Variants in DSPP observed in about 807,000 individuals in gnomAD.
The protein encoded by DSPP is deafness, autosomal dominant 39.
Under a neutral mutation model 29.1 loss-of-function variants are expected in DSPP, and 28 were observed. That is an observed-to-expected ratio of 0.96 (90% CI 0.71 to 1.32). The LOEUF (loss-of-function observed/expected upper bound fraction) is 1.32, where lower values mean the gene tolerates loss of function less well. Ranked by LOEUF, DSPP falls within the 40% of genes most tolerant of loss-of-function variation. The pLI is 0.00. For missense variants in DSPP, 1,281 were observed against 1,629.9 expected (o/e 0.79, Z 3.69); for synonymous variants, 481 against 503.4 (o/e 0.96, Z 0.60).
rs148443406 is a variant in DSPP at position 87,611,313 on chromosome 4, C to T, written c.51+354C>T. ...GCCCAGAAGTCATGGAGACTTTGTC[C>T]ATCTTTGCTTCATACTCTGTGAATT... On this transcript the variant is annotated intron_variant, in intron 2 of 4. Transcript: ENST00000651931. 3.7e-3 allele frequency among the ~76,000 whole-genome samples: 564 copies of T among 152,172 alleles called. 8 individuals are homozygous for T. Among genetic ancestry groups the T allele is most frequent in the South Asian group, 0.022 (108 of 4,824 alleles).
At chr4:87,611,030 A>ACT in intron 2 of DSPP, 71 bp downstream of exon 2, 3 of 820,788 alleles carry the variant, frequency 3.7e-6, no homozygotes, top group Non-Finnish European at 6.3e-6. Flanking sequence ...TACAAAATGT[A>ACT]GTGTGTGTGT....
At chr4:87,613,691 T>C in intron 4 of DSPP, 94 bp from the exon 5 acceptor site, 1 of 1,566,354 alleles carries the variant, frequency 6.4e-7, no homozygotes, top group Non-Finnish European at 8.8e-7. Context: ...CTCCTATCCC[T>C]ATGGCAACTT....
chr4:87,611,999 AG>A, intron 2 of DSPP, 105 bp from the exon 3 acceptor site: 1 of 1,211,940 alleles, frequency 8.3e-7, no homozygotes, highest in Non-Finnish European at 1.2e-6. Flanking sequence ...TTCTTCATGG[AG>A]GGAAGAATAT....
Position 87,616,208 on chromosome 4 carries a change from TAGC to T in DSPP, c.3550_3552del (p.Ser1184del), listed in dbSNP as rs1727934483. The T allele has an allele frequency of 4.3e-6, 6 of 1,405,424 alleles. No individual in the cohort carries two copies. The highest frequency in any genetic ancestry group is 3.8e-5 in the South Asian group (3 of 79,870). The allele number at this position is 1,405,424 out of a possible 1,614,324, so 87.1% of individuals were successfully genotyped here. On this transcript the variant is annotated inframe_deletion, in exon 5 of 5. Transcript: ENST00000651931. ...GCAGTGACAGCAGCAATAGCAGTGA[TAGC>T]AGCGACAGCAGTGATAGCAGTGACA...
At position 87,612,493 on chromosome 4, in the gene DSPP, G is replaced by A; in HGVS notation, c.307G>A (p.Glu103Lys). The change falls in exon 4 of 5, where the codon GAG (glutamate) becomes AAG (lysine). Residue 103 changes from glutamate to lysine, a missense_variant. Coordinates refer to ENST00000651931, the MANE Select transcript of DSPP (RefSeq NM_014208.3). ...FSTYSTLANEEGNIEGWNGDT... is the reference protein window; with the variant it reads ...FSTYSTLANEKGNIEGWNGDT... Reference sequence around the variant, plus strand: ...TACATATTCCACATTAGCAAACGAAGAGGGGAATATTGAGGGCTGGAATGG... The same window carrying A: ...TACATATTCCACATTAGCAAACGAAAAGGGGAATATTGAGGGCTGGAATGG... 6.2e-7 allele frequency: 1 copy of A among 1,614,064 alleles called. No individual in the cohort carries two copies. Among genetic ancestry groups the A allele is most frequent in the Non-Finnish European group, 8.5e-7 (1 of 1,179,972 alleles).
At position 87,612,222 on chromosome 4, in the gene DSPP, A is replaced by G. The variant is rs371832336; in HGVS notation, c.135+34A>G. ...TGTAATATATTTCATTTTATTTCCT[A>G]TTTCTGAGTTGCTACATTCCATTAA... is the stretch of plus-strand genomic sequence containing the variant. On this transcript the variant is annotated intron_variant, in intron 3 of 4. Transcript: ENST00000651931. The G allele has an allele frequency of 2.4e-4, 395 of 1,612,746 alleles. 1 individual carries two copies. The highest frequency in any genetic ancestry group is 2.8e-4 in the Non-Finnish European group (335 of 1,179,284).
At chr4:87,611,891 T>TC (rs1467191877) in intron 2 of DSPP, among the ~76,000 whole-genome samples, 2 of 152,204 alleles carry the variant, frequency 1.3e-5, no homozygotes, top group African/African-American at 4.8e-5. Context: ...GTGAAAAATA[T>TC]CCATGTACCC....
rs1426050810 is a variant in DSPP at position 87,614,819 on chromosome 4, T to G, written c.2157T>G (p.Ser719Arg). 1.9e-6 allele frequency: 3 copies of G among 1,544,076 alleles called. No individual in the cohort carries two copies. ...DSDSSDSSDS[S>R]NSNSSDSDSS... ...ACAGCAGTGATAGTAGTGACAGCAG[T>G]AATAGTAACAGCAGCGATAGTGACA... is the stretch of plus-strand genomic sequence containing the variant. Residue 719 changes from serine to arginine, a missense_variant, in exon 5 of 5, where the codon AGT becomes AGG. This residue lies in a region of DSPP where 444 missense variants were observed against 611.4 expected (regional missense o/e 0.73). Transcript: ENST00000651931.
chr4:87,615,653 C>A lies in DSPP; in HGVS notation c.2991C>A (p.Ser997Arg), dbSNP rs1444542641. The A allele has an allele frequency of 2.6e-6, 4 of 1,540,572 alleles. No individual in the cohort carries two copies. In the African/African-American group the frequency reaches 4.2e-5, roughly 16 times the overall value. ...DSSDSSDSSD[S>R]SDSSNSSDSS... is the part of the protein sequence containing the mutation. ...GTGATAGCAGTGACAGCAGTGACAGCAGTGATAGCAGCAACAGCAGTGATA... is the reference window on the plus strand; with the variant it reads ...GTGATAGCAGTGACAGCAGTGACAGAAGTGATAGCAGCAACAGCAGTGATA... The change falls in exon 5 of 5, where the codon AGC becomes AGA. Residue 997 changes from serine to arginine, a missense_variant. Coordinates refer to ENST00000651931, the MANE Select transcript of DSPP (RefSeq NM_014208.3).
chr4:87,613,444 C>T, intron 4 of DSPP, 136 bp downstream of exon 4: 2 of 1,099,658 alleles, frequency 1.8e-6, no homozygotes, highest in Non-Finnish European at 1.3e-6. Flanking sequence ...TTAAGGAAAT[C>T]TAGAGTCCTT....
chr4:87,612,197 T>A lies in DSPP; in HGVS notation c.135+9T>A. 1 of 1,613,866 alleles carries A rather than the reference T, an allele frequency of 6.2e-7. No homozygotes were observed. The highest frequency in any genetic ancestry group is 8.5e-7 in the Non-Finnish European group (1 of 1,179,804). Reference sequence around the variant, plus strand: ...CAAATGTGTCAGTACAGGTATAGGATGTAATATATTTCATTTTATTTCCTA... The same window carrying A: ...CAAATGTGTCAGTACAGGTATAGGAAGTAATATATTTCATTTTATTTCCTA... On this transcript the variant is annotated intron_variant, in intron 3 of 4. Transcript: ENST00000651931.
At position 87,616,861 on chromosome 4, in the gene DSPP, A is replaced by G. The variant is rs1460543616; in HGVS notation, c.*293A>G. ...AAGAACAATTAAAATATTCTTTAAT[A>G]CTTCACACAGAAACCTCAAGTAATC... On this transcript the variant is annotated 3_prime_UTR_variant, in exon 5 of 5. Coordinates refer to ENST00000651931, the MANE Select transcript of DSPP (RefSeq NM_014208.3). 1.7e-6 allele frequency: 1 copy of G among 595,042 alleles called. No homozygotes were observed. The highest frequency in any genetic ancestry group is 2.9e-6 in the Non-Finnish European group (1 of 340,752). The allele number at this position is 595,042 out of a possible 1,614,324, so 36.9% of individuals were successfully genotyped here.
At chr4:87,610,255 T>A (rs2736979) in intron 1 of DSPP, among the ~76,000 whole-genome samples, 2 of 152,014 alleles carry the variant, frequency 1.3e-5, no homozygotes, top group African/African-American at 2.4e-5. Context: ...CAGAGAGGGC[T>A]TCTCAGAGAT....
At position 87,616,043 on chromosome 4, in the gene DSPP, T is replaced by C. The variant is rs770999734; in HGVS notation, c.3381T>C (p.Ser1127=). The C allele has an allele frequency of 3.5e-5, 41 of 1,169,216 alleles. 3 individuals are homozygous for C. Among genetic ancestry groups the C allele is most frequent in the Middle Eastern group, 5.5e-4 (2 of 3,662 alleles). 72.4% of individuals were successfully genotyped at this position (1,169,216 alleles called of 1,614,324 possible). Residue 1127 remains serine, a synonymous_variant, in exon 5 of 5, where the codon AGT becomes AGC. Coordinates refer to ENST00000651931, the MANE Select transcript of DSPP (RefSeq NM_014208.3). Reference sequence around the variant, plus strand: ...ACAGCAGCAATAGCAGTGACAGCAGTGACAGCAGCGACAGCAGTGATAGCA... The same window carrying C: ...ACAGCAGCAATAGCAGTGACAGCAGCGACAGCAGCGACAGCAGTGATAGCA... ...SSDSSNSSDS[S]DSSDSSDSSD...
chr4:87,614,610 A>C lies in DSPP; in HGVS notation c.1948A>C (p.Ser650Arg). The change falls in exon 5 of 5, where the codon AGT becomes CGT. Residue 650 changes from serine (S) to arginine (R), a missense_variant. Physicochemically the swap from Ser to Arg is moderately radical, Grantham distance 110 (BLOSUM62 -1). Around this residue, in one of 4 missense-constraint regions of DSPP, gnomAD observed 444 missense variants for 611.4 expected, o/e 0.73. Coordinates refer to ENST00000651931, the MANE Select transcript of DSPP (RefSeq NM_014208.3). ...CAGCAGTGACAGCAACAGCAGTGAC[A>C]GTAGTGACAACAGTGATAGCAGCGA... Reference protein sequence around the residue: ...SDSSDSNSSDSSDNSDSSDSS... With the variant: ...SDSSDSNSSDRSDNSDSSDSS... 1 of 1,548,516 alleles carries C rather than the reference A, an allele frequency of 6.5e-7. No homozygotes were observed. Among genetic ancestry groups the C allele is most frequent in the Non-Finnish European group, 8.7e-7 (1 of 1,144,420 alleles).
chr4:87,611,030 A>AGTCTGTGT, intron 2 of DSPP, 71 bp downstream of exon 2: 3 of 820,788 alleles, frequency 3.7e-6, no homozygotes, highest in African/African-American at 3.5e-5. Context: ...TACAAAATGT[A>AGTCTGTGT]GTGTGTGTGT....
chr4:87,611,087 G>A (rs113303547), intron 2 of DSPP, 128 bp downstream of exon 2: 65 of 922,544 alleles, frequency 7.0e-5, no homozygotes, highest in African/African-American at 3.1e-4. Context: ...GTATATATGT[G>A]TGTGTGTATA....
rs770044618 is a variant in DSPP at position 87,612,503 on chromosome 4, T to G, written c.317T>G (p.Ile106Ser). The G allele has an allele frequency of 6.2e-7, 1 of 1,613,886 alleles. No individual in the cohort carries two copies. Among genetic ancestry groups the G allele is most frequent in the South Asian group, 1.1e-5 (1 of 91,060 alleles). Residue 106 changes from isoleucine to serine, a missense_variant, in exon 4 of 5, where the codon ATT (isoleucine) becomes AGT (serine). Around this residue, in one of 4 missense-constraint regions of DSPP, gnomAD observed 631 missense variants for 643.2 expected, o/e 0.98. Transcript: ENST00000651931. The part of the protein sequence containing the change: ...YSTLANEEGN[I>S]EGWNGDTGKA... Reference sequence around the variant, plus strand: ...ACATTAGCAAACGAAGAGGGGAATATTGAGGGCTGGAATGGGGACACAGGA... The same window carrying G: ...ACATTAGCAAACGAAGAGGGGAATAGTGAGGGCTGGAATGGGGACACAGGA...
In DSPP at chr4:87,616,727, C is replaced by G. The variant is rs1365163729; in HGVS notation, c.*159C>G. 2 of 1,167,498 alleles carry G rather than the reference C, an allele frequency of 1.7e-6. No homozygotes were observed. The allele number at this position is 1,167,498 out of a possible 1,614,324, so 72.3% of individuals were successfully genotyped here. Reference sequence around the variant, plus strand: ...CAAATCAAACAGTTGGATTCAGAACCAAGACCTAACTCCTGCAGAGACAGA... The same window carrying G: ...CAAATCAAACAGTTGGATTCAGAACGAAGACCTAACTCCTGCAGAGACAGA... On this transcript the variant is annotated 3_prime_UTR_variant, in exon 5 of 5. Coordinates refer to ENST00000651931, the MANE Select transcript of DSPP (RefSeq NM_014208.3).
Sources: allele counts gnomAD v4.1 joint callset (sites outside exome capture counted in the v4.1 genomes callset), GRCh38; gene constraint gnomAD v4.1.1; regional missense constraint gnomAD v4.1.1; transcripts MANE v1.5; gene names NCBI Gene and HGNC (gene_info 2026-07-23, HGNC 2026-07-21).